Variants in MAPKAP1 observed in about 807,000 individuals in gnomAD.
MAPKAP1 encodes target of rapamycin complex 2 subunit MAPKAP1.
MAPKAP1 carries 20 observed loss-of-function variants against 65.7 expected under a neutral mutation model. The ratio of observed to expected loss-of-function variants is 0.30; its 90% CI spans 0.21 to 0.44. The LOEUF (loss-of-function observed/expected upper bound fraction) is 0.44, where lower values mean the gene tolerates loss of function less well. MAPKAP1 is among the 20% of genes least tolerant of loss of function. MAPKAP1 has a pLI of 1.00. For missense variants in MAPKAP1, 423 were observed against 648.0 expected (o/e 0.65, Z 3.77); for synonymous variants, 222 against 244.3 (o/e 0.91, Z 0.85).
chr9:125,630,292 ATTTC>A (rs1008074938), intron 4 of MAPKAP1, among the ~76,000 whole-genome samples: 8 of 151,958 alleles, frequency 5.3e-5, no homozygotes, highest in Admixed American at 3.3e-4. Context: ...CACCTGGCTA[ATTTC>A]TTTTTTTTTT....
At chr9:125,523,711 T>C (rs1324938827) in intron 7 of MAPKAP1, among the ~76,000 whole-genome samples, 59 of 152,234 alleles carry the variant, frequency 3.9e-4, no homozygotes, top group Admixed American at 3.8e-3. Flanking sequence ...ACAGGTAATT[T>C]TGACAATGGG....
At chr9:125,591,393 G>A (rs1163407976) in intron 4 of MAPKAP1, among the ~76,000 whole-genome samples, 5 of 152,172 alleles carry the variant, frequency 3.3e-5, no homozygotes, top group African/African-American at 9.7e-5. Flanking sequence ...TGACTGAAGG[G>A]CAGTCACCAC....
At chr9:125,543,457 T>C (rs1254959452) in intron 6 of MAPKAP1, among the ~76,000 whole-genome samples, 1 of 151,206 alleles carries the variant, frequency 6.6e-6, no homozygotes, top group South Asian at 2.1e-4. Flanking sequence ...TTTTTTTTTT[T>C]AGTAGAGACA....
chr9:125,610,793 T>C (rs1173996320), intron 4 of MAPKAP1, among the ~76,000 whole-genome samples: 1 of 152,186 alleles, frequency 6.6e-6, no homozygotes, highest in East Asian at 1.9e-4. Context: ...GGTCCTGAGG[T>C]GGTAGTGCCC....
chr9:125,693,824 CACACACAT>C (rs1483023445), intron 1 of MAPKAP1, among the ~76,000 whole-genome samples: 8 of 127,542 alleles, frequency 6.3e-5, no homozygotes, highest in African/African-American at 1.9e-4. Context: ...CATATACACA[CACACACAT>C]ATATATACAC....
chr9:125,687,049 C>T (rs912360581), intron 1 of MAPKAP1, among the ~76,000 whole-genome samples: 6 of 151,900 alleles, frequency 3.9e-5, no homozygotes, highest in Admixed American at 2.0e-4. Flanking sequence ...TGGTCTCGAA[C>T]TCCTGACCTC....
intron 3 of MAPKAP1, among the ~76,000 whole-genome samples, chr9:125,665,988 T>C (rs626208): frequency 0.52 from 78,926 of 152,080 alleles, 21,402 homozygotes; most frequent in East Asian, 0.67. Flanking sequence ...CACAGAATTA[T>C]TAGGCACACA....
intron 4 of MAPKAP1, among the ~76,000 whole-genome samples, chr9:125,620,100 G>A (rs190762799): frequency 2.0e-5 from 3 of 152,324 alleles, no homozygotes; most frequent in Admixed American, 6.5e-5. Context: ...CCTGAGGTCA[G>A]GAGTTGGAGA....
intron 4 of MAPKAP1, among the ~76,000 whole-genome samples, chr9:125,622,821 C>T (rs1210696422): frequency 6.6e-6 from 1 of 151,778 alleles, no homozygotes; most frequent in Non-Finnish European, 1.5e-5. Flanking sequence ...TCTCCCCTCT[C>T]CCCTCTCCGT....
chr9:125,511,164 CCATCATCATCATCATCATCAT>C (rs3051230), intron 7 of MAPKAP1, among the ~76,000 whole-genome samples: 9 of 146,968 alleles, frequency 6.1e-5, no homozygotes, highest in Non-Finnish European at 3.0e-5. Flanking sequence ...ATCATCATCA[CCATCATCATCATCATCATCAT>C]CATCATCATC....
chr9:125,638,067 C>T (rs974119217), intron 4 of MAPKAP1, among the ~76,000 whole-genome samples: 1 of 152,020 alleles, frequency 6.6e-6, no homozygotes, highest in Admixed American at 6.6e-5. Context: ...CCCCCACGCC[C>T]AGCTGGTAAT....
chr9:125,592,009 G>C (rs1057432346), intron 4 of MAPKAP1, among the ~76,000 whole-genome samples: 1 of 152,200 alleles, frequency 6.6e-6, no homozygotes, highest in Non-Finnish European at 1.5e-5. Context: ...GGGCAACACA[G>C]AGAAAGTGTT....
intron 9 of MAPKAP1, among the ~76,000 whole-genome samples, chr9:125,479,806 G>C (rs1238241405): frequency 6.6e-6 from 1 of 152,050 alleles, no homozygotes; most frequent in Non-Finnish European, 1.5e-5. Context: ...GTTTTCTGTG[G>C]AATCAGCAGG....
intron 10 of MAPKAP1, among the ~76,000 whole-genome samples, chr9:125,456,897 C>A (rs1263851752): frequency 6.6e-6 from 1 of 152,140 alleles, no homozygotes; most frequent in Non-Finnish European, 1.5e-5. Flanking sequence ...CTGTTTTAAG[C>A]CACTATGTTT....
intron 4 of MAPKAP1, among the ~76,000 whole-genome samples, chr9:125,601,666 G>A (rs1832303227): frequency 6.6e-6 from 1 of 152,188 alleles, no homozygotes; most frequent in Non-Finnish European, 1.5e-5. Context: ...CGTCTCTTCA[G>A]TAATTATAAT....
chr9:125,649,258 G>T (rs923095319), intron 4 of MAPKAP1, among the ~76,000 whole-genome samples: 5 of 152,036 alleles, frequency 3.3e-5, no homozygotes, highest in Non-Finnish European at 1.5e-5. Flanking sequence ...CTTCTAACCT[G>T]GTAATTAGTC....
intron 4 of MAPKAP1, among the ~76,000 whole-genome samples, chr9:125,608,780 A>G (rs778393887): frequency 6.6e-6 from 1 of 152,222 alleles, no homozygotes; most frequent in Non-Finnish European, 1.5e-5. Context: ...GTAAACCGCT[A>G]TTTCCACAGA....
At position 125,631,545 on chromosome 9, in the gene MAPKAP1, G is replaced by C. The variant is rs556426548; in HGVS notation, c.498+26106C>G. On this transcript the variant is annotated intron_variant, in intron 4 of 11. Transcript: ENST00000265960. ...ACACTTATAGTTGTAAATGTCTGTTGTACAGAACTTACTATACCTCACCAC... is the reference window on the plus strand; with the variant it reads ...ACACTTATAGTTGTAAATGTCTGTTCTACAGAACTTACTATACCTCACCAC... 3.5e-4 allele frequency among the ~76,000 whole-genome samples: 54 copies of C among 152,274 alleles called. 1 individual carries two copies. The highest frequency in any genetic ancestry group is 1.0e-3 in the Admixed American group (16 of 15,298).
chr9:125,674,211 A>C (rs1465651842), intron 1 of MAPKAP1, among the ~76,000 whole-genome samples: 1 of 151,944 alleles, frequency 6.6e-6, no homozygotes, highest in African/African-American at 2.4e-5. Context: ...GAGATAATGC[A>C]GGTAAAATGC....
Sources: allele counts gnomAD v4.1 joint callset (sites outside exome capture counted in the v4.1 genomes callset), GRCh38; gene constraint gnomAD v4.1.1; transcripts MANE v1.5; gene names NCBI Gene and HGNC (gene_info 2026-07-23, HGNC 2026-07-21).